The following ARHGEF18 variants were observed in gnomAD, a reference collection of about 807,000 sequenced individuals.
ARHGEF18 encodes the protein rho guanine nucleotide exchange factor 18.
ARHGEF18 carries 93 observed loss-of-function variants against 155.7 expected under a neutral mutation model. The ratio of observed to expected loss-of-function variants is 0.60; its 90% confidence interval spans 0.50 to 0.71. ARHGEF18 has a LOEUF of 0.71. Ranked by LOEUF, ARHGEF18 falls within the 30% of genes least tolerant of loss-of-function variation. ARHGEF18 has a pLI of 0.00. For synonymous variants in ARHGEF18, 742 were observed against 753.1 expected, an observed-to-expected ratio of 0.99 and a Z score of 0.24; for missense variants, 1,593 against 1,816.1, an observed-to-expected ratio of 0.88 and a Z score of 2.23.
intron 2 of ARHGEF18, among the ~76,000 whole-genome samples, chr19:7,371,302 A>G (rs938888195): frequency 2.0e-5 from 3 of 152,134 alleles, no homozygotes; most frequent in African/African-American, 7.2e-5. Flanking sequence ...ATTTGGGAAG[A>G]TGAGAAAGTT....
In ARHGEF18 at chr19:7,447,571, G is replaced by A. The variant is rs545832169; in HGVS notation, c.1737+403G>A. Among the ~76,000 whole-genome samples, 3 of 152,166 alleles carry A rather than the reference G, an allele frequency of 2.0e-5. No individual in the cohort carries two copies. In the South Asian group the frequency reaches 6.2e-4, roughly 32 times the overall value. On this transcript the variant is annotated intron_variant, in intron 15 of 28. Coordinates refer to ENST00000668164, the MANE Select transcript of ARHGEF18 (RefSeq NM_001367823.1). ...CACTGTGGGGTTTTTCCACAGAATT[G>A]TAGAGTCTTGAGACTTGGGAATTAA...
intron 18 of ARHGEF18, 125 bp downstream of exon 18, chr19:7,456,528 C>T (rs1220495861): frequency 5.9e-6 from 5 of 853,588 alleles, no homozygotes; most frequent in Non-Finnish European, 7.8e-6. Context: ...TCCAGCCTGG[C>T]CAACATGGTG....
At chr19:7,426,925 T>C (rs1973700420) in intron 10 of ARHGEF18, among the ~76,000 whole-genome samples, 1 of 152,156 alleles carries the variant, frequency 6.6e-6, no homozygotes, top group South Asian at 2.1e-4. Flanking sequence ...ATAGGTCACC[T>C]CGCCGTGTTG....
intron 4 of ARHGEF18, 51 bp from the exon 5 acceptor site, chr19:7,376,592 C>T (rs1970471321): frequency 1.7e-6 from 2 of 1,183,216 alleles, no homozygotes; most frequent in South Asian, 4.3e-5. Context: ...GGGAACCTGC[C>T]TGCAGTCCAG....
chr19:7,472,894 G>T (rs1193178520), downstream of ARHGEF18: 1 of 443,130 alleles, frequency 2.3e-6, no homozygotes, highest in Non-Finnish European at 4.6e-6. Context: ...TAGACATGGG[G>T]TTTCGCCATG....
chr19:7,367,062 CCT>C (rs1424888574), intron 2 of ARHGEF18, among the ~76,000 whole-genome samples: 1 of 152,120 alleles, frequency 6.6e-6, no homozygotes, highest in Non-Finnish European at 1.5e-5. Flanking sequence ...GCCCTGGCCC[CCT>C]GACTCCTGAA....
intron 18 of ARHGEF18, among the ~76,000 whole-genome samples, chr19:7,457,889 C>A (rs144529910): frequency 6.6e-6 from 1 of 152,086 alleles, no homozygotes; most frequent in Non-Finnish European, 1.5e-5. Flanking sequence ...ATGGGTTTAT[C>A]TGTTGTTATA....
chr19:7,359,636 G>A lies in ARHGEF18; in HGVS notation c.-110-3145G>A, dbSNP rs181606787. Among the ~76,000 whole-genome samples the A allele has an allele frequency of 1.8e-3, 269 of 152,214 alleles. 1 individual carries two copies. Among genetic ancestry groups the A allele is most frequent in the African/African-American group, 6.1e-3 (252 of 41,518 alleles). On this transcript the variant is annotated intron_variant, in intron 1 of 28. Transcript: ENST00000668164. ...GAGGGGGGTTCATTCTATGATACAA[G>A]AATGAATGCTCAACCAATGACAGCC...
At chr19:7,414,651 A>G (rs1363771102) in intron 10 of ARHGEF18, among the ~76,000 whole-genome samples, 2 of 152,120 alleles carry the variant, frequency 1.3e-5, no homozygotes, top group Non-Finnish European at 2.9e-5. Context: ...TCTACTAAAA[A>G]TACAAAAATT....
Position 7,395,116 on chromosome 19 carries a change from G to C in ARHGEF18, c.967+11913G>C, listed in dbSNP as rs552973905. On this transcript the variant is annotated intron_variant, in intron 10 of 28. Coordinates refer to ENST00000668164, the MANE Select transcript of ARHGEF18 (RefSeq NM_001367823.1). The surrounding 1 kb of genome is among the most constrained non-coding windows in gnomAD (Gnocchi z 5.0). ...GGATCGCGCATGCGCTGCTCTCCTCGCGCGGCTTCCCGCTTCCGGCTCCCA... is the reference window on the plus strand; with the variant it reads ...GGATCGCGCATGCGCTGCTCTCCTCCCGCGGCTTCCCGCTTCCGGCTCCCA... 1 of 985,384 alleles carries C rather than the reference G, an allele frequency of 1.0e-6. No homozygotes were observed. Among genetic ancestry groups the C allele is most frequent in the Non-Finnish European group, 1.2e-6 (1 of 829,984 alleles). 61.0% of individuals were successfully genotyped at this position (985,384 alleles called of 1,614,324 possible).
intron 2 of ARHGEF18, among the ~76,000 whole-genome samples, chr19:7,372,224 C>G (rs1004781051): frequency 6.6e-6 from 1 of 152,126 alleles, no homozygotes; most frequent in Non-Finnish European, 1.5e-5. Flanking sequence ...AGGAAGGGCA[C>G]CTTACCAACC....
chr19:7,459,147 C>G (rs747721650), intron 19 of ARHGEF18, among the ~76,000 whole-genome samples: 22 of 152,232 alleles, frequency 1.4e-4, no homozygotes, highest in African/African-American at 5.1e-4. Context: ...CAGGTTCAAA[C>G]GATTCTGCTG....
chr19:7,439,590 G>T, intron 10 of ARHGEF18: 2 of 804,328 alleles, frequency 2.5e-6, no homozygotes, highest in Non-Finnish European at 3.1e-6. Context: ...CCCTGTTGAT[G>T]TTGGGTTGGT....
intron 10 of ARHGEF18, among the ~76,000 whole-genome samples, chr19:7,430,035 AAAG>A (rs1171773703): frequency 4.1e-5 from 6 of 146,514 alleles, no homozygotes; most frequent in African/African-American, 1.7e-4. Context: ...CATAGATAGA[AAAG>A]AGAATATTCA....
chr19:7,452,736 G>A (rs1424116081), intron 16 of ARHGEF18, among the ~76,000 whole-genome samples: 2 of 151,862 alleles, frequency 1.3e-5, no homozygotes, highest in Admixed American at 1.3e-4. Context: ...AGAGTGCTGG[G>A]ATTACAGGCG....
rs57703407 is a variant in ARHGEF18 at position 7,373,849 on chromosome 19, A to ATTTTT, written c.275+793_275+797dup. ...CAATACAGTTCCCGCTCCTATGAGA[A>ATTTTT]TTTTTTTTTTTTTTTTTTTGAGACA... On this transcript the variant is annotated intron_variant, in intron 3 of 28. Transcript: ENST00000668164. 7.4e-5 allele frequency among the ~76,000 whole-genome samples: 9 copies of ATTTTT among 122,026 alleles called. 1 individual carries two copies. The highest frequency in any genetic ancestry group is 3.0e-4 in the African/African-American group (9 of 29,978). 80.1% of individuals were successfully genotyped at this position (122,026 alleles called of 152,430 possible). A position where few individuals can be genotyped will look rare whatever the true frequency, so the allele number is the denominator to read the frequency against.
intron 10 of ARHGEF18, among the ~76,000 whole-genome samples, chr19:7,384,477 G>C (rs1247639513): frequency 1.3e-5 from 2 of 152,330 alleles, no homozygotes; most frequent in South Asian, 4.1e-4. Context: ...TTTTGCATTT[G>C]TTGGCTTTAC....
intron 10 of ARHGEF18, among the ~76,000 whole-genome samples, chr19:7,394,565 A>G (rs1568294085): frequency 6.8e-6 from 1 of 147,092 alleles, no homozygotes; most frequent in African/African-American, 2.5e-5. Context: ...TAACCCCGCT[A>G]TCCTCCCTCG....
In ARHGEF18 at chr19:7,367,846, A is replaced by ATATTT. The variant is rs1969981579; in HGVS notation, c.15+4944_15+4945insTTTAT. On this transcript the variant is annotated intron_variant, in intron 2 of 28. Coordinates refer to ENST00000668164, the MANE Select transcript of ARHGEF18 (RefSeq NM_001367823.1). Reference sequence around the variant, plus strand: ...ATATATACACATATATATATTTTATATATATATATACACATATATATTTTT... The same window carrying ATATTT: ...ATATATACACATATATATATTTTATATATTTTATATATATACACATATATATTTTT... 2.1e-4 allele frequency among the ~76,000 whole-genome samples: 12 copies of ATATTT among 56,126 alleles called. 3 individuals are homozygous for ATATTT. Among genetic ancestry groups the ATATTT allele is most frequent in the Admixed American group, 4.9e-4 (2 of 4,056 alleles). 36.8% of individuals were successfully genotyped at this position (56,126 alleles called of 152,430 possible). A position where few individuals can be genotyped will look rare whatever the true frequency, so the allele number is the denominator to read the frequency against.
Sources: gnomAD v4.1 joint callset for allele counts (sites outside exome capture counted in the v4.1 genomes callset) on GRCh38, gnomAD v4.1.1 for gene constraint, Gnocchi (gnomAD v3.1) non-coding constraint, MANE v1.5 for transcripts, NCBI Gene and HGNC (gene_info 2026-07-23, HGNC 2026-07-21) for gene names.